CUBN: variants seen among roughly 807,000 people sequenced by gnomAD.
CUBN encodes the protein cubilin, also known as 460 kDa receptor.
Under a neutral mutation model 405.3 loss-of-function variants are expected in CUBN, and 282 were observed. That is an observed-to-expected ratio of 0.70 (90% CI 0.63 to 0.77). The LOEUF is 0.77. Among genes scored for constraint, CUBN ranks in the 30% least tolerant of loss-of-function variants. The probability of loss-of-function intolerance (pLI) is 0.00; values close to 1 mark genes in which losing one functional copy is unlikely to be tolerated. For missense variants in CUBN, 4,514 were observed against 4,475.2 expected, an observed-to-expected ratio of 1.01 and a Z score of -0.25; for synonymous variants, 1,684 against 1,617.0, an observed-to-expected ratio of 1.04 and a Z score of -0.99.
intron 59 of CUBN, among the ~76,000 whole-genome samples, chr10:16,867,973 G>C (rs1840235661): frequency 6.6e-6 from 1 of 152,146 alleles, no homozygotes; most frequent in South Asian, 2.1e-4. Flanking sequence ...TTGAAAGGTA[G>C]CAAAGCAAAT....
intron 7 of CUBN, among the ~76,000 whole-genome samples, chr10:17,115,240 T>A: frequency 2.9e-5 from 1 of 35,066 alleles, no homozygotes; most frequent in Admixed American, 3.3e-4. Flanking sequence ...TGAGGCTCCA[T>A]CTCAAAAAAA....
At chr10:17,034,840 A>G (rs7070209) in intron 27 of CUBN, among the ~76,000 whole-genome samples, 9,076 of 152,208 alleles carry the variant, frequency 0.06, 941 homozygotes, top group African/African-American at 0.21. Flanking sequence ...TTGTTCCCCC[A>G]AAAAATGTAG....
intron 56 of CUBN, among the ~76,000 whole-genome samples, chr10:16,883,033 G>A (rs1159810256): frequency 6.8e-6 from 1 of 146,612 alleles, no homozygotes; most frequent in African/African-American, 2.6e-5. Flanking sequence ...AGAAAAGAAA[G>A]GAAGGAAGGA....
intron 7 of CUBN, among the ~76,000 whole-genome samples, chr10:17,114,756 G>A (rs985126225): frequency 3.9e-5 from 6 of 152,282 alleles, no homozygotes; most frequent in East Asian, 3.9e-4. Context: ...ATGGAGGGTC[G>A]TTCTGGGGAG....
chr10:16,874,597 C>T, intron 57 of CUBN, 94 bp from the exon 58 acceptor site: 1 of 1,471,408 alleles, frequency 6.8e-7, no homozygotes, highest in South Asian at 1.2e-5. Context: ...GTACATTTTT[C>T]CCTAAAAGAG....
At chr10:17,080,228 C>T (rs1835937482) in intron 17 of CUBN, among the ~76,000 whole-genome samples, 1 of 152,126 alleles carries the variant, frequency 6.6e-6, no homozygotes, top group Admixed American at 6.5e-5. Flanking sequence ...CTTCCACACA[C>T]TTGGGCATTT....
chr10:17,045,843 T>G, intron 24 of CUBN, 91 bp downstream of exon 24: 2 of 1,317,524 alleles, frequency 1.5e-6, no homozygotes, highest in Non-Finnish European at 2.2e-6. Flanking sequence ...TGGGCAAACA[T>G]GGACAAGTGA....
At chr10:16,856,423 T>C (rs1839870000) in intron 59 of CUBN, among the ~76,000 whole-genome samples, 1 of 152,296 alleles carries the variant, frequency 6.6e-6, no homozygotes. Flanking sequence ...ATATTGGAAA[T>C]ATAACCCCAT....
intron 59 of CUBN, among the ~76,000 whole-genome samples, chr10:16,858,415 G>C (rs913175520): frequency 6.6e-6 from 1 of 152,016 alleles, no homozygotes; most frequent in Admixed American, 6.6e-5. Flanking sequence ...TGAACTCCTG[G>C]GCTCAAGGGA....
Position 16,950,082 on chromosome 10 carries a change from A to C in CUBN, c.4999T>G (p.Phe1667Val), listed in dbSNP as rs1842889065. The C allele has an allele frequency of 1.2e-6, 2 of 1,613,856 alleles. No homozygotes were observed. The highest frequency in any genetic ancestry group is 1.7e-6 in the Non-Finnish European group (2 of 1,179,834). ...CACGTTGTGCTTCTTTCAAGTTCAAAGTGGGTAAAAGAGAGGGTGATATGA... is the reference window on the plus strand; with the variant it reads ...CACGTTGTGCTTCTTTCAAGTTCAACGTGGGTAAAAGAGAGGGTGATATGA... ...LNHITLSFTH[F>V]ELERSTTCAR... The change falls in exon 34 of 67, where the codon TTT becomes GTT. Residue 1667 changes from phenylalanine to valine, a missense_variant. This residue lies in a region of CUBN where 1,613 missense variants were observed against 1,542.8 expected (regional missense o/e 1.05). Coordinates refer to ENST00000377833, the MANE Select transcript of CUBN (RefSeq NM_001081.4).
intron 56 of CUBN, among the ~76,000 whole-genome samples, chr10:16,886,354 T>C (rs1840814223): frequency 6.6e-6 from 1 of 152,214 alleles, no homozygotes; most frequent in African/African-American, 2.4e-5. Context: ...ATAGAACATT[T>C]TGCAAAGTGT....
Position 16,933,273 on chromosome 10 carries a change from C to T in CUBN, c.5938G>A (p.Gly1980Ser). 6.2e-7 allele frequency: 1 copy of T among 1,613,510 alleles called. No individual in the cohort carries two copies. The highest frequency in any genetic ancestry group is 8.5e-7 in the Non-Finnish European group (1 of 1,179,986). ...GGTGCATCTCCCGTCCTCAGGAAGCCACCACAAGCACCTGTAGAATAGAAA... is the reference window on the plus strand; with the variant it reads ...GGTGCATCTCCCGTCCTCAGGAAGCTACCACAAGCACCTGTAGAATAGAAA... Reference protein sequence around the residue: ...LPTIAPGACGGFLRTGDAPVF... With the variant: ...LPTIAPGACGSFLRTGDAPVF... The change falls in exon 40 of 67, where the codon GGC becomes AGC. Residue 1980 changes from glycine (G) to serine (S), a missense_variant. Gly to Ser is a moderately conservative substitution (Grantham distance 56). Transcript: ENST00000377833.
chr10:17,007,420 G>A (rs185539127), intron 28 of CUBN, among the ~76,000 whole-genome samples: 3 of 152,250 alleles, frequency 2.0e-5, no homozygotes, highest in African/African-American at 4.8e-5. Flanking sequence ...TTGTAGATCC[G>A]TTTTCTTAAA....
chr10:17,116,041 C>A (rs907337331), intron 6 of CUBN, among the ~76,000 whole-genome samples: 2 of 152,112 alleles, frequency 1.3e-5, no homozygotes, highest in African/African-American at 4.8e-5. Flanking sequence ...ATTATATAAC[C>A]CCACACGCAA....
intron 48 of CUBN, 90 bp from the exon 49 acceptor site, chr10:16,907,769 CT>C (rs1841597487): frequency 7.4e-7 from 1 of 1,360,004 alleles, no homozygotes; most frequent in African/African-American, 1.4e-5. Context: ...GACCCACTTC[CT>C]TTTATGGGAA....
At chr10:16,851,669 C>T (rs1349321155) in intron 59 of CUBN, among the ~76,000 whole-genome samples, 6 of 139,606 alleles carry the variant, frequency 4.3e-5, no homozygotes, top group East Asian at 2.3e-4. Context: ...TCTATCTTTC[C>T]CTCCCTCACT....
In CUBN at chr10:16,954,666, G is replaced by A. The variant is rs557675309; in HGVS notation, c.4696-118C>T. The A allele has an allele frequency of 7.1e-4, 796 of 1,121,134 alleles. 5 individuals carry two copies. Among genetic ancestry groups the A allele is most frequent in the South Asian group, 6.7e-3 (509 of 75,684 alleles). The allele number at this position is 1,121,134 out of a possible 1,614,324, so 69.4% of individuals were successfully genotyped here. On this transcript the variant is annotated intron_variant, in intron 31 of 66. Coordinates refer to ENST00000377833, the MANE Select transcript of CUBN (RefSeq NM_001081.4). ...ATAATCACACGTTTGCTGGATCTAGGGAAACTGGCTTTATTGTCCTTTCTC... is the reference window on the plus strand; with the variant it reads ...ATAATCACACGTTTGCTGGATCTAGAGAAACTGGCTTTATTGTCCTTTCTC...
chr10:16,934,839 G>C (rs1428353383), intron 39 of CUBN, among the ~76,000 whole-genome samples: 1 of 152,186 alleles, frequency 6.6e-6, no homozygotes, highest in Non-Finnish European at 1.5e-5. Context: ...GCCTGAGTTA[G>C]GAAGTGATGG....
chr10:17,056,821 G>C (rs370686521), intron 22 of CUBN, among the ~76,000 whole-genome samples: 1 of 152,018 alleles, frequency 6.6e-6, no homozygotes, highest in Admixed American at 6.6e-5. Flanking sequence ...GGCAAAGGAC[G>C]TATTTGTATG....
Sources: allele counts gnomAD v4.1 joint callset (sites outside exome capture counted in the v4.1 genomes callset), GRCh38; gene constraint gnomAD v4.1.1; regional missense constraint gnomAD v4.1.1; transcripts MANE v1.5; gene names NCBI Gene and HGNC (gene_info 2026-07-23, HGNC 2026-07-21).